The following KBTBD11 variants were observed in gnomAD, a reference collection of about 807,000 sequenced individuals.
The protein encoded by KBTBD11 is kelch repeat and BTB domain containing 11, also known as kelch repeat and BTB domain-containing protein 11.
For synonymous variants in KBTBD11, 747 were observed against 499.0 expected (o/e 1.50, Z -6.63); for missense variants, 1,390 against 1,001.8 (o/e 1.39, Z -5.23).
At chr8:1,999,370 C>T (rs922302262) in intron 1 of KBTBD11, among the ~76,000 whole-genome samples, 8 of 152,148 alleles carry the variant, frequency 5.3e-5, no homozygotes, top group South Asian at 4.1e-4. Context: ...GAGCTGAACA[C>T]GCATTCTGTA....
rs1222679854 is a variant in KBTBD11 at position 2,002,248 on chromosome 8, C to T, written c.1056C>T (p.Cys352=). The change falls in exon 2 of 2, where the codon TGC becomes TGT. Residue 352 remains cysteine, a synonymous_variant. Coordinates refer to ENST00000320248, the MANE Select transcript of KBTBD11 (RefSeq NM_014867.3). The surrounding 1 kb of genome is among the most constrained non-coding windows in gnomAD (Gnocchi z 4.1). The part of the protein sequence containing the change: ...RLPEGAPARG[C]GLCVLYNYLF... Reference sequence around the variant, plus strand: ...CCGAGGGCGCGCCGGCGCGGGGCTGCGGCCTGTGCGTCCTCTACAACTACC... The same window carrying T: ...CCGAGGGCGCGCCGGCGCGGGGCTGTGGCCTGTGCGTCCTCTACAACTACC... 7.8e-7 allele frequency: 1 copy of T among 1,289,060 alleles called. No individual in the cohort carries two copies. The highest frequency in any genetic ancestry group is 9.8e-7 in the Non-Finnish European group (1 of 1,024,430). The allele number at this position is 1,289,060 out of a possible 1,614,324, so 79.9% of individuals were successfully genotyped here. A position where few individuals can be genotyped will look rare whatever the true frequency, so the allele number is the denominator to read the frequency against.
At chr8:1,979,196 G>A (rs2129308536) in intron 1 of KBTBD11, among the ~76,000 whole-genome samples, 1 of 152,360 alleles carries the variant, frequency 6.6e-6, no homozygotes, top group Middle Eastern at 3.4e-3. Context: ...AGCCAGGGAA[G>A]TGCTGGCATT....
rs925182696 is a variant in KBTBD11, at chr8:1,994,049, G to A, written c.-908-6236G>A. Among the ~76,000 whole-genome samples, 4 of 152,096 alleles carry A rather than the reference G, an allele frequency of 2.6e-5. No homozygotes were observed. In the East Asian group the frequency reaches 7.7e-4, roughly 29 times the overall value. On this transcript the variant is annotated intron_variant, in intron 1 of 1. Coordinates refer to ENST00000320248, the MANE Select transcript of KBTBD11 (RefSeq NM_014867.3). Reference sequence around the variant, plus strand: ...AGGGGAGTGAGGCATGAGGGCGGGTGAGTTGGGAGCAGATTGCTCAATACT... The same window carrying A: ...AGGGGAGTGAGGCATGAGGGCGGGTAAGTTGGGAGCAGATTGCTCAATACT...
intron 1 of KBTBD11, among the ~76,000 whole-genome samples, chr8:1,993,958 C>CACACACACACACAA (rs1554527404): frequency 1.4e-5 from 2 of 148,134 alleles, no homozygotes; most frequent in South Asian, 2.1e-4. Flanking sequence ...CACACACACA[C>CACACACACACACAA]AAAACCCCAT....
intron 1 of KBTBD11, among the ~76,000 whole-genome samples, chr8:1,977,988 AAAC>A (rs746630804): frequency 9.2e-5 from 14 of 152,248 alleles, no homozygotes; most frequent in Non-Finnish European, 1.5e-4. Context: ...TAGTGGCTTA[AAAC>A]AATAGCATTT....
intron 1 of KBTBD11, among the ~76,000 whole-genome samples, chr8:1,998,240 C>T (rs1182537120): frequency 6.6e-6 from 1 of 152,202 alleles, no homozygotes; most frequent in Non-Finnish European, 1.5e-5. Context: ...GGGATGAGGG[C>T]TACTCAGCCT....
intron 1 of KBTBD11, among the ~76,000 whole-genome samples, chr8:1,982,104 C>T (rs376043615): frequency 3.3e-5 from 5 of 152,092 alleles, no homozygotes; most frequent in African/African-American, 1.2e-4. Flanking sequence ...TTTGTGACAT[C>T]AAAAACATAA....
At chr8:1,990,415 C>A (rs112919550) in intron 1 of KBTBD11, among the ~76,000 whole-genome samples, 29 of 112,522 alleles carry the variant, frequency 2.6e-4, no homozygotes, top group Admixed American at 6.5e-4. Context: ...TGCTGCCGGG[C>A]CTTGGCGCCC....
chr8:1,978,402 G>T (rs1816423421), intron 1 of KBTBD11, among the ~76,000 whole-genome samples: 1 of 152,260 alleles, frequency 6.6e-6, no homozygotes, highest in Admixed American at 6.5e-5. Context: ...CTTGCTGCCT[G>T]AGGCTTGCGC....
At chr8:1,975,151 A>G (rs1436776340) in intron 1 of KBTBD11, 5 of 152,272 alleles carry the variant, frequency 3.3e-5, no homozygotes, top group African/African-American at 9.6e-5. Context: ...CTCCAGCAAC[A>G]ACCTCGTGTG....
chr8:2,001,962 G>T lies in KBTBD11; in HGVS notation c.770G>T (p.Cys257Phe). ...AACGAGCTGCGCGACGCCGCCTACT[G>T]CTTCATGAGCGACCACTATCTGGAG... The part of the protein sequence containing the change: ...RLNELRDAAY[C>F]FMSDHYLEVL... Residue 257 changes from cysteine to phenylalanine, a missense_variant, in exon 2 of 2, where the codon TGC becomes TTC. By Grantham distance (205) the Cys-to-Phe change is radical. Coordinates refer to ENST00000320248, the MANE Select transcript of KBTBD11 (RefSeq NM_014867.3). 1 of 1,472,762 alleles carries T rather than the reference G, an allele frequency of 6.8e-7. No individual in the cohort carries two copies. Among genetic ancestry groups the T allele is most frequent in the Non-Finnish European group, 9.0e-7 (1 of 1,109,036 alleles). The allele number at this position is 1,472,762 out of a possible 1,614,324, so 91.2% of individuals were successfully genotyped here. A position where few individuals can be genotyped will look rare whatever the true frequency, so the allele number is the denominator to read the frequency against.
At chr8:1,999,440 G>T in intron 1 of KBTBD11, among the ~76,000 whole-genome samples, 1 of 152,312 alleles carries the variant, frequency 6.6e-6, no homozygotes, top group East Asian at 1.9e-4. Flanking sequence ...TTCTTTAGAA[G>T]GCCAGAATGA....
intron 1 of KBTBD11, among the ~76,000 whole-genome samples, chr8:1,995,447 T>C (rs1817102103): frequency 6.6e-6 from 1 of 152,174 alleles, no homozygotes; most frequent in South Asian, 2.1e-4. Context: ...TCCTCCTGGC[T>C]AGTTTTAGGC....
At chr8:1,975,353 T>A (rs1272812762) in intron 1 of KBTBD11, 1 of 152,276 alleles carries the variant, frequency 6.6e-6, no homozygotes, top group African/African-American at 2.4e-5. Context: ...ACAGCCACGT[T>A]CGGATCAATT....
At chr8:1,999,614 G>T (rs1182625541) in intron 1 of KBTBD11, among the ~76,000 whole-genome samples, 8 of 152,290 alleles carry the variant, frequency 5.3e-5, no homozygotes. Flanking sequence ...TTTTCGCTTT[G>T]ATTTTCCTTT....
chr8:2,002,636 G>C lies in KBTBD11; in HGVS notation c.1444G>C (p.Glu482Gln), dbSNP rs765217338. Residue 482 changes from glutamate to glutamine, a missense_variant, in exon 2 of 2, where the codon GAG becomes CAG. Coordinates refer to ENST00000320248, the MANE Select transcript of KBTBD11 (RefSeq NM_014867.3). The surrounding 1 kb of genome is among the most constrained non-coding windows in gnomAD (Gnocchi z 4.1). The part of the protein sequence containing the change: ...KYDPRRDEWQ[E>Q]CPCSSSRERS... ...TGACCCGCGGCGCGACGAGTGGCAG[G>C]AGTGCCCGTGCAGCAGCAGCCGCGA... The C allele has an allele frequency of 2.5e-6, 4 of 1,580,622 alleles. No homozygotes were observed. The highest frequency in any genetic ancestry group is 3.4e-6 in the Non-Finnish European group (4 of 1,172,286).
chr8:1,985,858 C>G (rs182445999), intron 1 of KBTBD11, among the ~76,000 whole-genome samples: 16 of 152,102 alleles, frequency 1.1e-4, no homozygotes, highest in African/African-American at 3.9e-4. Context: ...TTTAGTGAGA[C>G]GTTAAAAGAG....
intron 1 of KBTBD11, among the ~76,000 whole-genome samples, chr8:1,999,372 C>A (rs1453577687): frequency 6.6e-6 from 1 of 152,178 alleles, no homozygotes; most frequent in South Asian, 2.1e-4. Context: ...GCTGAACACG[C>A]ATTCTGTATA....
At chr8:1,974,311 G>A in intron 1 of KBTBD11, 1 of 984,356 alleles carries the variant, frequency 1.0e-6, no homozygotes, top group Non-Finnish European at 1.2e-6. Flanking sequence ...ACAATGAGCC[G>A]CCCGCGCCGC....
Sources: allele counts gnomAD v4.1 joint callset (sites outside exome capture counted in the v4.1 genomes callset), GRCh38; gene constraint gnomAD v4.1.1; non-coding constraint Gnocchi (gnomAD v3.1); transcripts MANE v1.5; gene names NCBI Gene and HGNC (gene_info 2026-07-23, HGNC 2026-07-21).